The following NCALD variants were observed in gnomAD, a reference collection of about 807,000 sequenced individuals.
The protein encoded by NCALD is neurocalcin-delta.
NCALD carries 10 observed loss-of-function variants against 18.6 expected under a neutral mutation model. That is an observed-to-expected ratio of 0.54 (90% confidence interval 0.33 to 0.91). The LOEUF (loss-of-function observed/expected upper bound fraction) is 0.91, where lower values mean the gene tolerates loss of function less well. Among genes scored for constraint, NCALD ranks in the 40% least tolerant of loss-of-function variants. NCALD has a pLI of 0.03. For missense variants in NCALD, 184 were observed against 247.6 expected, an observed-to-expected ratio of 0.74 and a Z score of 1.72; for synonymous variants, 88 against 87.4, an observed-to-expected ratio of 1.01 and a Z score of -0.04.
chr8:101,984,059 T>C (rs2131952316), intron 2 of NCALD, among the ~76,000 whole-genome samples: 1 of 152,330 alleles, frequency 6.6e-6, no homozygotes, highest in East Asian at 1.9e-4. Flanking sequence ...TTATTTTCAG[T>C]CTAGCAATCT....
intron 1 of NCALD, among the ~76,000 whole-genome samples, chr8:102,115,540 T>C (rs1344488079): frequency 1.3e-5 from 2 of 152,218 alleles, no homozygotes; most frequent in African/African-American, 4.8e-5. Flanking sequence ...TGGACTACAG[T>C]CATCGAATTC....
At chr8:102,066,729 G>A (rs2132278315) in intron 1 of NCALD, among the ~76,000 whole-genome samples, 1 of 152,314 alleles carries the variant, frequency 6.6e-6, no homozygotes, top group South Asian at 2.1e-4. Context: ...TTGTACTCTG[G>A]GAAAGCAGCA....
intron 4 of NCALD, among the ~76,000 whole-genome samples, chr8:101,883,896 C>T (rs1816580021): frequency 6.6e-6 from 1 of 152,174 alleles, no homozygotes; most frequent in African/African-American, 2.4e-5. Context: ...AAATGAATAT[C>T]TTCTCCCTAT....
intron 2 of NCALD, among the ~76,000 whole-genome samples, chr8:101,707,857 A>G (rs1563677753): frequency 6.6e-6 from 1 of 152,072 alleles, no homozygotes; most frequent in Non-Finnish European, 1.5e-5. Flanking sequence ...GACAGAGCAA[A>G]ACTCCATCTC....
At chr8:101,820,175 T>C (rs1813663196) in intron 4 of NCALD, among the ~76,000 whole-genome samples, 1 of 152,172 alleles carries the variant, frequency 6.6e-6, no homozygotes, top group Non-Finnish European at 1.5e-5. Context: ...CCTACTGACC[T>C]CCAGTGATTT....
chr8:101,747,050 C>T (rs981968009), intron 1 of NCALD, among the ~76,000 whole-genome samples: 3 of 152,156 alleles, frequency 2.0e-5, no homozygotes, highest in East Asian at 3.9e-4. Flanking sequence ...TCTACGATAT[C>T]CAGTATAAGT....
chr8:101,996,949 C>A (rs971775312), intron 2 of NCALD, among the ~76,000 whole-genome samples: 1 of 152,228 alleles, frequency 6.6e-6, no homozygotes, highest in Non-Finnish European at 1.5e-5. Context: ...TAACTACTAC[C>A]TGCCTGCTCG....
intron 2 of NCALD, among the ~76,000 whole-genome samples, chr8:101,981,946 T>C (rs1053464204): frequency 4.6e-5 from 7 of 152,210 alleles, no homozygotes; most frequent in African/African-American, 1.4e-4. Flanking sequence ...TGGATCCCTA[T>C]GAATGGCTTG....
At chr8:102,030,342 A>G (rs940711785) in intron 1 of NCALD, among the ~76,000 whole-genome samples, 8 of 152,240 alleles carry the variant, frequency 5.3e-5, no homozygotes, top group Non-Finnish European at 1.0e-4. Flanking sequence ...AACATCCAGG[A>G]AAAAACAAAC....
At chr8:101,795,901 C>T (rs1355783355), upstream of NCALD, among the ~76,000 whole-genome samples, 1 of 152,108 alleles carries the variant, frequency 6.6e-6, no homozygotes, top group Non-Finnish European at 1.5e-5. Context: ...ACCGTTTTCC[C>T]CTTGAAGCAT....
chr8:101,981,955 TG>T (rs893349735), intron 2 of NCALD, among the ~76,000 whole-genome samples: 10 of 152,176 alleles, frequency 6.6e-5, no homozygotes, highest in Non-Finnish European at 1.2e-4. Context: ...ATGAATGGCT[TG>T]GTTCCCTCCT....
chr8:101,803,327 T>A (rs1187768951), intron 4 of NCALD, among the ~76,000 whole-genome samples: 1 of 152,308 alleles, frequency 6.6e-6, no homozygotes, highest in East Asian at 1.9e-4. Context: ...TGAGACCTAC[T>A]GCTCAGAAAA....
At chr8:101,918,398 GC>G (rs1234480130) in intron 2 of NCALD, among the ~76,000 whole-genome samples, 1 of 151,972 alleles carries the variant, frequency 6.6e-6, no homozygotes, top group Non-Finnish European at 1.5e-5. Flanking sequence ...AAAACTAAAA[GC>G]CTTACCCTTG....
Position 101,773,809 on chromosome 8 carries a change from C to T in NCALD, c.-20+17053G>A, listed in dbSNP as rs183198759. On this transcript the variant is annotated intron_variant, in intron 1 of 3. Coordinates refer to ENST00000220931, the MANE Select transcript of NCALD (RefSeq NM_032041.3). ...TGTACCTCCCATTGAGGCTATTTCC[C>T]GCTGAAAAACACGTGCTTTCTCAGA... 2.1e-4 allele frequency among the ~76,000 whole-genome samples: 32 copies of T among 152,266 alleles called. No individual in the cohort carries two copies. In the East Asian group the frequency reaches 3.1e-3, roughly 15 times the overall value.
chr8:102,004,340 T>C (rs1485816483), intron 2 of NCALD, among the ~76,000 whole-genome samples: 1 of 152,104 alleles, frequency 6.6e-6, no homozygotes, highest in Non-Finnish European at 1.5e-5. Flanking sequence ...AAGGACCTCT[T>C]CAAGGCGAAC....
At chr8:101,957,523 G>T (rs2131837463) in intron 2 of NCALD, among the ~76,000 whole-genome samples, 2 of 152,180 alleles carry the variant, frequency 1.3e-5, no homozygotes, top group East Asian at 3.9e-4. Context: ...GCTGTATAAT[G>T]AATCAGGATG....
chr8:101,997,782 G>A (rs897227843), intron 2 of NCALD, among the ~76,000 whole-genome samples: 1 of 152,194 alleles, frequency 6.6e-6, no homozygotes, highest in African/African-American at 2.4e-5. Context: ...GAGCATTTAA[G>A]ATCGTGTTGT....
intron 4 of NCALD, among the ~76,000 whole-genome samples, chr8:101,815,521 A>T (rs1813462240): frequency 6.6e-6 from 1 of 152,130 alleles, no homozygotes; most frequent in Non-Finnish European, 1.5e-5. Flanking sequence ...ACCAAACAAG[A>T]TATGCAGACG....
intron 4 of NCALD, among the ~76,000 whole-genome samples, chr8:101,806,992 A>G (rs1813126548): frequency 6.6e-6 from 1 of 152,158 alleles, no homozygotes; most frequent in Non-Finnish European, 1.5e-5. Flanking sequence ...GCCAGAAGCC[A>G]GTGGGATTAC....
Sources: allele counts gnomAD v4.1 joint callset (sites outside exome capture counted in the v4.1 genomes callset), GRCh38; gene constraint gnomAD v4.1.1; transcripts MANE v1.5; gene names NCBI Gene and HGNC (gene_info 2026-07-23, HGNC 2026-07-21).